Variants in DOP1B observed in about 807,000 individuals in gnomAD.
DOP1B encodes the protein protein DOP1B.
Under a neutral mutation model 233.5 loss-of-function variants are expected in DOP1B, and 174 were observed. That is an observed-to-expected ratio of 0.75 (90% CI 0.66 to 0.85). DOP1B has a LOEUF of 0.85. Ranked by LOEUF, DOP1B falls within the 40% of genes least tolerant of loss-of-function variation. The probability of loss-of-function intolerance (pLI) is 0.00; values close to 1 mark genes in which losing one functional copy is unlikely to be tolerated. For missense variants in DOP1B, 2,652 were observed against 2,846.6 expected (o/e 0.93, Z 1.56); for synonymous variants, 1,190 against 1,185.6 (o/e 1.00, Z -0.08).
Position 36,281,734 on chromosome 21 carries a change from C to T in DOP1B, c.6160+123C>T. The T allele has an allele frequency of 3.3e-6, 3 of 899,510 alleles. No individual in the cohort carries two copies. In the East Asian group the frequency reaches 8.4e-5, roughly 25 times the overall value. The allele number at this position is 899,510 out of a possible 1,614,324, so 55.7% of individuals were successfully genotyped here. A position where few individuals can be genotyped will look rare whatever the true frequency, so the allele number is the denominator to read the frequency against. ...AGGCTGAGAAGTCCTATATCCAGGGCTGGCGTCTGGCAAGGGCCTTCTTGC... is the reference window on the plus strand; with the variant it reads ...AGGCTGAGAAGTCCTATATCCAGGGTTGGCGTCTGGCAAGGGCCTTCTTGC... On this transcript the variant is annotated intron_variant, in intron 32 of 36. Coordinates refer to ENST00000691173, the MANE Select transcript of DOP1B (RefSeq NM_001320714.2).
chr21:36,234,643 C>T (rs770522617), intron 15 of DOP1B, among the ~76,000 whole-genome samples: 18 of 151,780 alleles, frequency 1.2e-4, no homozygotes, highest in Non-Finnish European at 1.9e-4. Flanking sequence ...TGAATTCAAG[C>T]GATTCCCCTG....
chr21:36,229,649 G>C (rs941770696), intron 13 of DOP1B, among the ~76,000 whole-genome samples: 2 of 148,550 alleles, frequency 1.3e-5, no homozygotes, highest in African/African-American at 2.5e-5. Flanking sequence ...ACTATTCTCT[G>C]ACTTGCTTTA....
rs201138227 is a variant in DOP1B at position 36,237,363 on chromosome 21, G to A, written c.2724G>A (p.Thr908=). The A allele has an allele frequency of 2.7e-5, 43 of 1,614,086 alleles. No homozygotes were observed. The highest frequency in any genetic ancestry group is 8.0e-5 in the African/African-American group (6 of 75,020). ...LFYRLHCLAP[T]ANICEDIICH... is the part of the protein sequence containing the mutation. Reference sequence around the variant, plus strand: ...ACCGGCTGCACTGCCTGGCCCCTACGGCCAACATCTGCGAGGACATCATCT... The same window carrying A: ...ACCGGCTGCACTGCCTGGCCCCTACAGCCAACATCTGCGAGGACATCATCT... Residue 908 remains threonine (T), a synonymous_variant, in exon 16 of 37, where the codon ACG becomes ACA. Coordinates refer to ENST00000691173, the MANE Select transcript of DOP1B (RefSeq NM_001320714.2).
chr21:36,290,105 G>C (rs1231020694), intron 35 of DOP1B, among the ~76,000 whole-genome samples: 1 of 152,174 alleles, frequency 6.6e-6, no homozygotes, highest in Non-Finnish European at 1.5e-5. Flanking sequence ...GTACCACTCT[G>C]GTGCAGGATG....
chr21:36,217,985 G>A (rs990148016), intron 9 of DOP1B, among the ~76,000 whole-genome samples: 31 of 152,128 alleles, frequency 2.0e-4, no homozygotes, highest in Non-Finnish European at 2.9e-4. Context: ...TGAATATCAC[G>A]CTCCTGCCCA....
chr21:36,263,963 A>G, intron 26 of DOP1B, 149 bp downstream of exon 26: 2 of 854,078 alleles, frequency 2.3e-6, no homozygotes, highest in Non-Finnish European at 3.7e-6. Flanking sequence ...TTCTGCCATC[A>G]CTGTCTCTAG....
At chr21:36,210,981 C>T (rs141274654) in intron 5 of DOP1B, among the ~76,000 whole-genome samples, 5 of 152,328 alleles carry the variant, frequency 3.3e-5, no homozygotes, top group Admixed American at 6.5e-5. Context: ...CCTTTGCTCC[C>T]GGCTGTTCCC....
chr21:36,201,648 CAT>C (rs994704854), intron 4 of DOP1B, among the ~76,000 whole-genome samples: 6 of 152,138 alleles, frequency 3.9e-5, no homozygotes, highest in African/African-American at 1.2e-4. Flanking sequence ...ACACACGGCT[CAT>C]ATCAGATTCT....
intron 1 of DOP1B, among the ~76,000 whole-genome samples, chr21:36,160,724 C>T (rs1052947881): frequency 3.3e-5 from 5 of 152,166 alleles, no homozygotes; most frequent in South Asian, 2.1e-4. Context: ...GTGATCCACC[C>T]GCCTCGGCCT....
chr21:36,205,108 T>G (rs535530500), intron 4 of DOP1B, among the ~76,000 whole-genome samples: 1 of 152,346 alleles, frequency 6.6e-6, no homozygotes, highest in East Asian at 1.9e-4. Context: ...TTCAGATGAT[T>G]GTACCAAAGC....
At chr21:36,170,797 G>GT (rs1169655974) in intron 2 of DOP1B, among the ~76,000 whole-genome samples, 1 of 139,656 alleles carries the variant, frequency 7.2e-6, no homozygotes, top group Admixed American at 7.3e-5. Flanking sequence ...ACAAAACCCT[G>GT]TTTCAAAAAA....
Position 36,162,585 on chromosome 21 carries a change from G to T in DOP1B, c.-26-2123G>T, listed in dbSNP as rs184175545. 4.6e-5 allele frequency among the ~76,000 whole-genome samples: 7 copies of T among 152,042 alleles called. No individual in the cohort carries two copies. In the East Asian group the frequency reaches 9.7e-4, roughly 21 times the overall value. On this transcript the variant is annotated intron_variant, in intron 1 of 36. Coordinates refer to ENST00000691173, the MANE Select transcript of DOP1B (RefSeq NM_001320714.2). ...AGATGGAGTCTTGTTCTGTTACCCA[G>T]GCTGGGGTACAGTGGCGCAGTCTCA...
chr21:36,215,104 A>G (rs1413124155), intron 9 of DOP1B, among the ~76,000 whole-genome samples: 2 of 152,302 alleles, frequency 1.3e-5, no homozygotes. Context: ...TTGAGCTCCT[A>G]TAGTGTCTAC....
intron 18 of DOP1B, among the ~76,000 whole-genome samples, chr21:36,243,840 C>A (rs1357880609): frequency 6.6e-6 from 1 of 151,608 alleles, no homozygotes; most frequent in Non-Finnish European, 1.5e-5. Context: ...ACCTAGATAG[C>A]TTTTAAATTT....
At chr21:36,158,609 C>T (rs926147369) in intron 1 of DOP1B, among the ~76,000 whole-genome samples, 4 of 151,982 alleles carry the variant, frequency 2.6e-5, no homozygotes, top group African/African-American at 9.7e-5. Context: ...TCAAGACCAT[C>T]CTGGCCAACA....
intron 21 of DOP1B, among the ~76,000 whole-genome samples, chr21:36,250,577 C>T (rs982664890): frequency 6.6e-6 from 1 of 152,062 alleles, no homozygotes; most frequent in Admixed American, 6.6e-5. Flanking sequence ...ATTTACAGAG[C>T]GAGAAACGTG....
chr21:36,190,180 C>A (rs1301158328), intron 2 of DOP1B, among the ~76,000 whole-genome samples: 1 of 151,354 alleles, frequency 6.6e-6, no homozygotes, highest in African/African-American at 2.4e-5. Flanking sequence ...TAAAAATTAG[C>A]CAGGCATGGT....
rs1479773004 is a variant in DOP1B, at chr21:36,277,021, ATGC to A, written c.5640_5642del (p.Ala1882del). On this transcript the variant is annotated inframe_deletion and splice_region_variant, in exon 28 of 37. Transcript: ENST00000691173. The stretch of plus-strand genomic sequence containing the variant: ...TACAAATGGCTCTTTCTGTTCACAG[ATGC>A]TGCTGCAGCTTCAGCAATGGTGTCT... The A allele has an allele frequency of 6.2e-7, 1 of 1,614,030 alleles. No individual in the cohort carries two copies. The highest frequency in any genetic ancestry group is 8.5e-7 in the Non-Finnish European group (1 of 1,179,992).
At chr21:36,229,734 T>C (rs1454930521) in intron 13 of DOP1B, among the ~76,000 whole-genome samples, 2 of 150,182 alleles carry the variant, frequency 1.3e-5, no homozygotes, top group Admixed American at 6.7e-5. Context: ...TGATTTTGGC[T>C]CACTGCAACC....
Sources: gnomAD v4.1 joint callset for allele counts (sites outside exome capture counted in the v4.1 genomes callset) on GRCh38, gnomAD v4.1.1 for gene constraint, MANE v1.5 for transcripts, NCBI Gene and HGNC (gene_info 2026-07-23, HGNC 2026-07-21) for gene names.